Variants in FBXL20 observed in about 807,000 individuals in gnomAD.
FBXL20 encodes the protein F-box and leucine rich repeat protein 20.
Under a neutral mutation model 64.0 loss-of-function variants are expected in FBXL20, and 11 were observed. The observed-to-expected ratio is 0.17, with a 90% confidence interval of 0.11 to 0.28. The LOEUF is 0.28. FBXL20 is among the 10% of genes least tolerant of loss of function. The probability of loss-of-function intolerance (pLI) is 1.00; values close to 1 mark genes in which losing one functional copy is unlikely to be tolerated. For synonymous variants in FBXL20, 184 were observed against 189.0 expected (o/e 0.97, Z 0.22); for missense variants, 303 against 526.2 (o/e 0.58, Z 4.15).
chr17:39,273,437 C>CA (rs1404417395), intron 10 of FBXL20, among the ~76,000 whole-genome samples: 2 of 152,276 alleles, frequency 1.3e-5, no homozygotes, highest in South Asian at 2.1e-4. Flanking sequence ...GCTCAGGAAT[C>CA]AGAGTTCCTG....
intron 2 of FBXL20, among the ~76,000 whole-genome samples, chr17:39,311,678 ATGC>A (rs988892099): frequency 9.2e-5 from 14 of 152,334 alleles, no homozygotes; most frequent in South Asian, 4.1e-4. Context: ...CATTGATGAA[ATGC>A]TGCTGCTTTT....
intron 1 of FBXL20, among the ~76,000 whole-genome samples, chr17:39,347,193 T>G (rs540296783): frequency 8.5e-5 from 13 of 152,340 alleles, no homozygotes; most frequent in African/African-American, 3.1e-4. Context: ...TATAATCCTT[T>G]GGGTATATAC....
chr17:39,261,553 A>G lies in FBXL20; in HGVS notation c.1218T>C (p.Asn406=). 3 of 1,612,912 alleles carry G rather than the reference A, an allele frequency of 1.9e-6. No homozygotes were observed. Among genetic ancestry groups the G allele is most frequent in the African/African-American group, 1.3e-5 (1 of 75,010 alleles). Reference sequence around the variant, plus strand: ...GTGCGAAGTAGGCGTGGACTTTAATATTGGGTAAATGGGTCTGAAACAAGA... The same window carrying G: ...GTGCGAAGTAGGCGTGGACTTTAATGTTGGGTAAATGGGTCTGAAACAAGA... ...GIKRLRTHLP[N]IKVHAYFAPV... The change falls in exon 15 of 15, where the codon AAT becomes AAC. Residue 406 remains asparagine (N), a synonymous_variant. Transcript: ENST00000264658.
Position 39,261,379 on chromosome 17 carries a change from T to C in FBXL20, c.*81A>G. On this transcript the variant is annotated 3_prime_UTR_variant, in exon 15 of 15. Transcript: ENST00000264658. The stretch of plus-strand genomic sequence containing the variant: ...GTAACCCTTGCTCAGAACACTGGGG[T>C]TGCTTCCACTGGAGAGACTCCACGG... 1 of 1,133,618 alleles carries C rather than the reference T, an allele frequency of 8.8e-7. No individual in the cohort carries two copies. The highest frequency in any genetic ancestry group is 1.3e-6 in the Non-Finnish European group (1 of 744,994). The allele number at this position is 1,133,618 out of a possible 1,614,324, so 70.2% of individuals were successfully genotyped here. A position where few individuals can be genotyped will look rare whatever the true frequency, so the allele number is the denominator to read the frequency against.
intron 2 of FBXL20, among the ~76,000 whole-genome samples, chr17:39,335,059 G>C (rs1214469972): frequency 7.0e-6 from 1 of 142,658 alleles, no homozygotes; most frequent in Non-Finnish European, 1.5e-5. Context: ...TGGCTAGTGA[G>C]CCTTATCTCT....
chr17:39,304,587 GA>G (rs2047165085), intron 2 of FBXL20, among the ~76,000 whole-genome samples: 1 of 152,054 alleles, frequency 6.6e-6, no homozygotes, highest in South Asian at 2.1e-4. Flanking sequence ...AACATGCTTG[GA>G]TGGGAAGGAT....
intron 1 of FBXL20, among the ~76,000 whole-genome samples, chr17:39,371,927 G>A (rs1161803256): frequency 6.6e-6 from 1 of 152,096 alleles, no homozygotes; most frequent in Non-Finnish European, 1.5e-5. Context: ...ATAGACTTCT[G>A]GAAAGTGACC....
chr17:39,312,322 G>A (rs1347660348), intron 2 of FBXL20, among the ~76,000 whole-genome samples: 1 of 151,514 alleles, frequency 6.6e-6, no homozygotes, highest in African/African-American at 2.4e-5. Context: ...GCTGAGGCAG[G>A]AGAATCGCTT....
chr17:39,331,135 C>T (rs529011904), intron 2 of FBXL20, among the ~76,000 whole-genome samples: 3 of 152,222 alleles, frequency 2.0e-5, no homozygotes, highest in Non-Finnish European at 4.4e-5. Context: ...AAGACAGAGT[C>T]TCGCTCTGCG....
intron 1 of FBXL20, among the ~76,000 whole-genome samples, chr17:39,352,961 G>GT (rs1331624930): frequency 6.6e-6 from 1 of 152,082 alleles, no homozygotes; most frequent in East Asian, 1.9e-4. Flanking sequence ...TTTCAGGAGA[G>GT]TACTTAAAGA....
intron 8 of FBXL20, 94 bp downstream of exon 8, chr17:39,282,635 T>C: frequency 6.5e-7 from 1 of 1,542,478 alleles, no homozygotes. Context: ...CAACTAACCT[T>C]TCCCTCCAGA....
intron 2 of FBXL20, among the ~76,000 whole-genome samples, chr17:39,325,496 C>T (rs1204202823): frequency 6.6e-6 from 1 of 151,904 alleles, no homozygotes; most frequent in Non-Finnish European, 1.5e-5. Flanking sequence ...GGAAAGTGAA[C>T]AAAAACAGGT....
chr17:39,289,939 C>T (rs2047022158), intron 6 of FBXL20, among the ~76,000 whole-genome samples: 1 of 127,142 alleles, frequency 7.9e-6, no homozygotes, highest in South Asian at 2.4e-4. Context: ...GCAGAGGTTG[C>T]AGTTAGCTGA....
At chr17:39,390,695 C>T (rs1417273337) in intron 1 of FBXL20, among the ~76,000 whole-genome samples, 1 of 152,150 alleles carries the variant, frequency 6.6e-6, no homozygotes, top group African/African-American at 2.4e-5. Flanking sequence ...CCACTGCATT[C>T]CAACCTGGGT....
upstream of FBXL20, chr17:39,402,386 G>A: frequency 2.3e-6 from 1 of 427,186 alleles, no homozygotes; most frequent in Non-Finnish European, 3.9e-6. Context: ...GTCTCCCTGT[G>A]CATGGCTCGG....
intron 12 of FBXL20, among the ~76,000 whole-genome samples, chr17:39,267,108 C>T (rs763570428): frequency 2.6e-5 from 4 of 151,308 alleles, no homozygotes; most frequent in African/African-American, 4.9e-5. Flanking sequence ...AAAAACTAGC[C>T]GGGCGTGGTG....
intron 8 of FBXL20, among the ~76,000 whole-genome samples, chr17:39,282,504 A>G (rs923435135): frequency 6.6e-6 from 1 of 152,174 alleles, no homozygotes; most frequent in African/African-American, 2.4e-5. Flanking sequence ...ATCTTAATTT[A>G]CACTTTGTCT....
upstream of FBXL20, chr17:39,402,036 G>T: frequency 1.3e-6 from 1 of 755,448 alleles, no homozygotes. Context: ...TCCCTCCGCG[G>T]GCAAACAGGC....
At chr17:39,334,052 A>G (rs879167837) in intron 2 of FBXL20, among the ~76,000 whole-genome samples, 4 of 152,218 alleles carry the variant, frequency 2.6e-5, no homozygotes, top group African/African-American at 7.2e-5. Flanking sequence ...GGGGAAAAGA[A>G]AGAGAGATCA....
Sources: gnomAD v4.1 joint callset for allele counts (sites outside exome capture counted in the v4.1 genomes callset) on GRCh38, gnomAD v4.1.1 for gene constraint, MANE v1.5 for transcripts, NCBI Gene and HGNC (gene_info 2026-07-23, HGNC 2026-07-21) for gene names.